The following CPSF3 variants were observed in gnomAD, a reference collection of about 807,000 sequenced individuals.
CPSF3 encodes the protein cleavage and polyadenylation specificity factor subunit 3.
Under a neutral mutation model 84.1 loss-of-function variants are expected in CPSF3, and 57 were observed. The ratio of observed to expected loss-of-function variants is 0.68; its 90% CI spans 0.55 to 0.85. The LOEUF (loss-of-function observed/expected upper bound fraction) is 0.85. CPSF3 is among the 40% of genes least tolerant of loss of function. The pLI is 0.00. For synonymous variants in CPSF3, 275 were observed against 278.1 expected (o/e 0.99, Z 0.11); for missense variants, 522 against 838.8 (o/e 0.62, Z 4.66).
chr2:9,453,385 A>T (rs896361597), intron 12 of CPSF3, among the ~76,000 whole-genome samples: 5 of 152,180 alleles, frequency 3.3e-5, no homozygotes, highest in Non-Finnish European at 7.3e-5. Flanking sequence ...GTTTTTTATG[A>T]CCTTTACATC....
rs1680560775 is a variant in CPSF3 at position 9,430,885 on chromosome 2, ATTACT to A, written c.341+9_341+13del. Reference sequence around the variant, plus strand: ...TTCTGATTATGTCAAAGTTAGGTAAATTACTTTATTAGATTATACACGACTTTGGC... The same window carrying A: ...TTCTGATTATGTCAAAGTTAGGTAAATTATTAGATTATACACGACTTTGGC... On this transcript the variant is annotated splice_donor_region_variant and intron_variant, in intron 4 of 17. Transcript: ENST00000238112. The A allele has an allele frequency of 2.5e-6, 4 of 1,608,770 alleles. No homozygotes were observed. The highest frequency in any genetic ancestry group is 3.4e-4 in the Middle Eastern group (2 of 5,934).
chr2:9,447,690 G>A (rs1023456060), intron 10 of CPSF3, among the ~76,000 whole-genome samples: 3 of 152,096 alleles, frequency 2.0e-5, no homozygotes, highest in Admixed American at 1.3e-4. Flanking sequence ...CAGGAGAATC[G>A]CTTGAACTCA....
chr2:9,451,209 T>TC (rs1491495695), intron 11 of CPSF3, among the ~76,000 whole-genome samples: 1 of 152,198 alleles, frequency 6.6e-6, no homozygotes, highest in Non-Finnish European at 1.5e-5. Context: ...TAGTTATTTT[T>TC]CTCTCTCAAG....
rs1184038050 is a variant in CPSF3, at chr2:9,443,414, T to C, written c.1096-101T>C. ...TAGAATGATTTTGTGCGTAAGGTCC[T>C]AAATTTAACATGAATTTATGACTGC... On this transcript the variant is annotated intron_variant, in intron 9 of 17. Coordinates refer to ENST00000238112, the MANE Select transcript of CPSF3 (RefSeq NM_016207.4). 5 of 1,267,356 alleles carry C rather than the reference T, an allele frequency of 3.9e-6. No individual in the cohort carries two copies. In the African/African-American group the frequency reaches 7.4e-5, roughly 19 times the overall value. The allele number at this position is 1,267,356 out of a possible 1,614,324, so 78.5% of individuals were successfully genotyped here. A position where few individuals can be genotyped will look rare whatever the true frequency, so the allele number is the denominator to read the frequency against.
In CPSF3 at chr2:9,436,278, T is replaced by C. The variant is rs1161428052; in HGVS notation, c.677T>C (p.Val226Ala). The change falls in exon 7 of 18, where the codon GTC becomes GCC. Residue 226 changes from valine (V) to alanine (A), a missense_variant. Physicochemically the swap from Val to Ala is moderately conservative, Grantham distance 64. Around this residue, in one of 2 missense-constraint regions of CPSF3, gnomAD observed 329 missense variants for 607.2 expected, o/e 0.54. Coordinates refer to ENST00000238112, the MANE Select transcript of CPSF3 (RefSeq NM_016207.4). ...CGAGAAGCAAGATTCTGTAACACTG[T>C]CCACGATATTGTAAACAGAGGAGGC... ...EEREARFCNTVHDIVNRGGRG... is the reference protein window; with the variant it reads ...EEREARFCNTAHDIVNRGGRG... 1.2e-6 allele frequency: 2 copies of C among 1,613,934 alleles called. No homozygotes were observed. The highest frequency in any genetic ancestry group is 1.7e-5 in the Admixed American group (1 of 59,996).
intron 16 of CPSF3, among the ~76,000 whole-genome samples, chr2:9,469,477 C>T (rs749431763): frequency 3.3e-5 from 5 of 152,172 alleles, no homozygotes; most frequent in Admixed American, 1.3e-4. Flanking sequence ...GGACTGGCCC[C>T]GCTCTCCCAC....
intron 15 of CPSF3, among the ~76,000 whole-genome samples, chr2:9,463,819 T>TG (rs1291656577): frequency 6.6e-6 from 1 of 152,220 alleles, no homozygotes; most frequent in Non-Finnish European, 1.5e-5. Context: ...CCGTGCGCAC[T>TG]GGTTCATCAT....
intron 13 of CPSF3, among the ~76,000 whole-genome samples, chr2:9,456,343 A>G (rs1681526010): frequency 6.6e-6 from 1 of 152,236 alleles, no homozygotes; most frequent in Admixed American, 6.5e-5. Flanking sequence ...TTCATATTAC[A>G]AAATACATTT....
rs906038974 is a variant in CPSF3 at position 9,428,754 on chromosome 2, A to G, written c.51-11A>G. The G allele has an allele frequency of 1.3e-6, 2 of 1,592,364 alleles. No homozygotes were observed. Among genetic ancestry groups the G allele is most frequent in the African/African-American group, 1.3e-5 (1 of 74,376 alleles). On this transcript the variant is annotated splice_polypyrimidine_tract_variant and intron_variant, in intron 1 of 17. Transcript: ENST00000238112. Reference sequence around the variant, plus strand: ...TTTAATCCTTCTTTTTCTCCCCTTGAATATTTACAGTGGAGCTGGGCAAGA... The same window carrying G: ...TTTAATCCTTCTTTTTCTCCCCTTGGATATTTACAGTGGAGCTGGGCAAGA...
chr2:9,450,418 G>T (rs1435197582), intron 11 of CPSF3, among the ~76,000 whole-genome samples: 4 of 150,958 alleles, frequency 2.6e-5, no homozygotes, highest in African/African-American at 4.9e-5. Flanking sequence ...GCCTCCCAAA[G>T]TGCTGGGATT....
rs1213087336 is a variant in CPSF3 at position 9,429,983 on chromosome 2, A to C, written c.175A>C (p.Ile59Leu). 1 of 1,586,684 alleles carries C rather than the reference A, an allele frequency of 6.3e-7. No individual in the cohort carries two copies. The highest frequency in any genetic ancestry group is 8.5e-7 in the Non-Finnish European group (1 of 1,169,964). ...GMDALPYIDL[I>L]DPAEIDLLLI... ...GGATGCTCTTCCTTATATTGATTTA[A>C]TTGACCCAGCTGAGATTGATCTCCT... The change falls in exon 3 of 18, where the codon ATT becomes CTT. Residue 59 changes from isoleucine to leucine, a missense_variant. This residue lies in a region of CPSF3 where 329 missense variants were observed against 607.2 expected (regional missense o/e 0.54). Coordinates refer to ENST00000238112, the MANE Select transcript of CPSF3 (RefSeq NM_016207.4).
intron 15 of CPSF3, among the ~76,000 whole-genome samples, chr2:9,465,705 C>CA (rs1681882481): frequency 6.6e-6 from 1 of 152,300 alleles, no homozygotes; most frequent in African/African-American, 2.4e-5. Flanking sequence ...TAAGGCCCCC[C>CA]ATCCTTCTAA....
At chr2:9,449,404 T>C (rs1681240035) in intron 11 of CPSF3, among the ~76,000 whole-genome samples, 1 of 151,654 alleles carries the variant, frequency 6.6e-6, no homozygotes, top group Non-Finnish European at 1.5e-5. Context: ...CCAGCCTGAG[T>C]GACAGAGTGA....
chr2:9,446,187 G>T (rs1177837658), intron 10 of CPSF3, among the ~76,000 whole-genome samples: 1 of 152,220 alleles, frequency 6.6e-6, no homozygotes, highest in African/African-American at 2.4e-5. Flanking sequence ...TGGCCGGGCT[G>T]CAGTCCCAGC....
intron 14 of CPSF3, among the ~76,000 whole-genome samples, chr2:9,458,222 G>A (rs1317341342): frequency 6.6e-6 from 1 of 151,778 alleles, no homozygotes; most frequent in African/African-American, 2.4e-5. Context: ...TAGCCAACAT[G>A]GTGAAAACCC....
chr2:9,428,049 C>T lies in CPSF3; in HGVS notation c.51-716C>T, dbSNP rs74604153. 5.4e-5 allele frequency among the ~76,000 whole-genome samples: 8 copies of T among 149,336 alleles called. No homozygotes were observed. The East Asian group carries it at 9.9e-4, about 18-fold the overall frequency. ...TCTCGCTCTGTTGCCCAGGCTGGAG[C>T]GCAGTGGCGCGATCTCAGCTCACTG... On this transcript the variant is annotated intron_variant, in intron 1 of 17. Coordinates refer to ENST00000238112, the MANE Select transcript of CPSF3 (RefSeq NM_016207.4).
chr2:9,451,851 G>A (rs1409147107), intron 11 of CPSF3, among the ~76,000 whole-genome samples: 2 of 151,722 alleles, frequency 1.3e-5, no homozygotes, highest in Non-Finnish European at 2.9e-5. Flanking sequence ...CGAGTAGCTG[G>A]GACTACAGGC....
In CPSF3 at chr2:9,452,339, AAAAAG is replaced by A. The variant is rs200577865; in HGVS notation, c.1396-571_1396-567del. On this transcript the variant is annotated intron_variant, in intron 11 of 17. Transcript: ENST00000238112. Reference sequence around the variant, plus strand: ...AGACACTGTCTCAAAAAAAAAAAAAAAAAAGAATAGTGGGTTTCACGTTTGTAGTA... The same window carrying A: ...AGACACTGTCTCAAAAAAAAAAAAAAAATAGTGGGTTTCACGTTTGTAGTA... Among the ~76,000 whole-genome samples, 135 of 152,118 alleles carry A rather than the reference AAAAAG, an allele frequency of 8.9e-4. 1 individual carries two copies. Among genetic ancestry groups the A allele is most frequent in the African/African-American group, 3.0e-3 (124 of 41,530 alleles).
chr2:9,431,088 G>GCT lies in CPSF3; in HGVS notation c.341+211_341+212dup, dbSNP rs1680568967. Among the ~76,000 whole-genome samples, 3 of 152,304 alleles carry GCT rather than the reference G, an allele frequency of 2.0e-5. No individual in the cohort carries two copies. The South Asian group carries it at 6.2e-4, about 32-fold the overall frequency. On this transcript the variant is annotated intron_variant, in intron 4 of 17. Transcript: ENST00000238112. ...GAAGGTTTTTTTGAGACAGGATCTT[G>GCT]CTCTGTCATCCAGGCTGGAGTGCAG...
Sources: gnomAD v4.1 joint callset for allele counts (sites outside exome capture counted in the v4.1 genomes callset) on GRCh38, gnomAD v4.1.1 for gene constraint, gnomAD v4.1.1 regional missense constraint, MANE v1.5 for transcripts, NCBI Gene and HGNC (gene_info 2026-07-23, HGNC 2026-07-21) for gene names.